ARHGAP20: variants seen among roughly 807,000 people sequenced by gnomAD.
ARHGAP20 encodes Rho GTPase activating protein 20, also known as rho GTPase-activating protein 20.
In ARHGAP20, 34 loss-of-function variants were observed where a neutral mutation model predicts 73.7. That is an observed-to-expected ratio of 0.46 (90% CI 0.35 to 0.61). The LOEUF is 0.61. ARHGAP20 is among the 20% of genes least tolerant of loss of function. The probability of loss-of-function intolerance (pLI) is 0.00; values close to 1 mark genes in which losing one functional copy is unlikely to be tolerated. For synonymous variants in ARHGAP20, 523 were observed against 518.2 expected, an observed-to-expected ratio of 1.01 and a Z score of -0.13; for missense variants, 1,314 against 1,420.9, an observed-to-expected ratio of 0.92 and a Z score of 1.21.
At chr11:110,663,857 C>G (rs892780876) in intron 2 of ARHGAP20, among the ~76,000 whole-genome samples, 4 of 152,086 alleles carry the variant, frequency 2.6e-5, no homozygotes, top group African/African-American at 4.8e-5. Flanking sequence ...TAAAAATACC[C>G]ATCAGCAAAC....
intron 2 of ARHGAP20, among the ~76,000 whole-genome samples, chr11:110,682,664 C>G (rs943152952): frequency 2.0e-5 from 3 of 152,068 alleles, no homozygotes; most frequent in African/African-American, 7.2e-5. Flanking sequence ...TTTTTATTAA[C>G]AAGCTTGACA....
chr11:110,620,456 T>C (rs1591321079), intron 4 of ARHGAP20, among the ~76,000 whole-genome samples: 1 of 152,172 alleles, frequency 6.6e-6, no homozygotes, highest in Admixed American at 6.5e-5. Context: ...TGGCTACATT[T>C]ACAAAAAATA....
chr11:110,587,832 T>C (rs977941574), intron 11 of ARHGAP20, among the ~76,000 whole-genome samples: 4 of 152,216 alleles, frequency 2.6e-5, no homozygotes, highest in African/African-American at 9.6e-5. Flanking sequence ...TTCTATTATA[T>C]CTTCTAGCAG....
chr11:110,648,315 T>G (rs565870760), intron 2 of ARHGAP20, among the ~76,000 whole-genome samples: 4 of 135,652 alleles, frequency 2.9e-5, no homozygotes, highest in African/African-American at 8.8e-5. Flanking sequence ...TATGTGTATA[T>G]GTCTATATGC....
chr11:110,691,945 T>A (rs1165718132), intron 1 of ARHGAP20, among the ~76,000 whole-genome samples: 1 of 152,174 alleles, frequency 6.6e-6, no homozygotes, highest in East Asian at 1.9e-4. Flanking sequence ...TAACCACAAA[T>A]CAATTTCAGG....
rs368597643 is a variant in ARHGAP20, at chr11:110,647,185, G to A, written c.189-16393C>T. Among the ~76,000 whole-genome samples, 11 of 151,966 alleles carry A rather than the reference G, an allele frequency of 7.2e-5. 1 individual carries two copies. Among genetic ancestry groups the A allele is most frequent in the African/African-American group, 2.7e-4 (11 of 41,476 alleles). On this transcript the variant is annotated intron_variant, in intron 2 of 14. Coordinates refer to ENST00000683387, the MANE Select transcript of ARHGAP20 (RefSeq NM_001384657.1). ...TGTGTGTGTGTGTGTGTGCATGCGC[G>A]CACATGCATGCAACTGGGTTAAGGA...
At chr11:110,640,558 C>A (rs1591336240) in intron 2 of ARHGAP20, among the ~76,000 whole-genome samples, 1 of 151,978 alleles carries the variant, frequency 6.6e-6, no homozygotes. Context: ...TATTGAACAT[C>A]TAGAATTAAA....
At chr11:110,598,988 C>T (rs916726706) in intron 9 of ARHGAP20, among the ~76,000 whole-genome samples, 2 of 151,658 alleles carry the variant, frequency 1.3e-5, no homozygotes, top group Admixed American at 1.3e-4. Context: ...CTCCCAGGAG[C>T]TGCACCTGTC....
chr11:110,623,259 T>C (rs922188945), intron 4 of ARHGAP20, among the ~76,000 whole-genome samples: 1 of 152,172 alleles, frequency 6.6e-6, no homozygotes, highest in Non-Finnish European at 1.5e-5. Context: ...AGGAGTTTTG[T>C]GGTGGCAAGA....
intron 14 of ARHGAP20, among the ~76,000 whole-genome samples, chr11:110,581,688 A>C (rs1947472230): frequency 6.6e-6 from 1 of 152,156 alleles, no homozygotes; most frequent in Admixed American, 6.5e-5. Context: ...ACAACCATAA[A>C]AGTTAGACAT....
intron 1 of ARHGAP20, among the ~76,000 whole-genome samples, chr11:110,692,250 C>A (rs1465828984): frequency 6.6e-6 from 1 of 152,114 alleles, no homozygotes; most frequent in Non-Finnish European, 1.5e-5. Context: ...CAAGGTACAG[C>A]AGCACTTCCT....
chr11:110,652,491 G>C (rs762381372), intron 2 of ARHGAP20, among the ~76,000 whole-genome samples: 1 of 152,024 alleles, frequency 6.6e-6, no homozygotes, highest in African/African-American at 2.4e-5. Context: ...AACCTCCTTC[G>C]TCTCAGCCCT....
At chr11:110,667,684 A>G (rs1404838778) in intron 2 of ARHGAP20, among the ~76,000 whole-genome samples, 2 of 152,180 alleles carry the variant, frequency 1.3e-5, no homozygotes, top group Non-Finnish European at 2.9e-5. Context: ...GCTTTCTGAA[A>G]AGGATTCACC....
At position 110,584,649 on chromosome 11, in the gene ARHGAP20, C is replaced by T. The variant is rs200766246; in HGVS notation, c.1416-912G>A. 5.9e-5 allele frequency among the ~76,000 whole-genome samples: 9 copies of T among 151,800 alleles called. No homozygotes were observed. The East Asian group carries it at 1.7e-3, about 29-fold the overall frequency. ...TTTTGGGTTTTCTGCTTCTATGGGG[C>T]CCTAAGATTTTTCACAATAAGAGCT... is the stretch of plus-strand genomic sequence containing the variant. On this transcript the variant is annotated intron_variant, in intron 12 of 14. Coordinates refer to ENST00000683387, the MANE Select transcript of ARHGAP20 (RefSeq NM_001384657.1).
chr11:110,682,787 C>G (rs552257323), intron 2 of ARHGAP20, among the ~76,000 whole-genome samples: 15 of 152,046 alleles, frequency 9.9e-5, no homozygotes, highest in Non-Finnish European at 2.2e-4. Context: ...AGCATTTTTA[C>G]TTATTTCCTC....
intron 9 of ARHGAP20, among the ~76,000 whole-genome samples, chr11:110,593,338 T>C (rs951381908): frequency 7.9e-5 from 12 of 152,212 alleles, no homozygotes; most frequent in Non-Finnish European, 1.3e-4. Flanking sequence ...TATGATTTAA[T>C]ACATAAAAAT....
In ARHGAP20 at chr11:110,690,582, G is replaced by T; in HGVS notation, c.153C>A (p.Ile51=). Residue 51 remains isoleucine, a synonymous_variant, in exon 2 of 15, where the codon ATC becomes ATA. Transcript: ENST00000683387. ...GCCGTTTTTGTAGGGCTTTATCCAG[G>T]ATAAGAGATGGAGCGCTCCTCCTCC... ...AERRRSAPSL[I]LDKALQKRPT... The T allele has an allele frequency of 2.5e-6, 4 of 1,614,016 alleles. No individual in the cohort carries two copies. Among genetic ancestry groups the T allele is most frequent in the Non-Finnish European group, 3.4e-6 (4 of 1,179,958 alleles).
chr11:110,711,935 G>C, intron 1 of ARHGAP20, 192 bp downstream of exon 1: 2 of 1,254,142 alleles, frequency 1.6e-6, no homozygotes, highest in Non-Finnish European at 2.0e-6. Flanking sequence ...GGCGCTCTGC[G>C]GGAGGCGGCG....
intron 2 of ARHGAP20, among the ~76,000 whole-genome samples, chr11:110,681,984 A>G (rs561098363): frequency 2.7e-4 from 41 of 152,186 alleles, no homozygotes; most frequent in Non-Finnish European, 5.3e-4. Flanking sequence ...CATTTCCCAG[A>G]GTCATTCTAG....
Sources: allele counts gnomAD v4.1 joint callset (sites outside exome capture counted in the v4.1 genomes callset), GRCh38; gene constraint gnomAD v4.1.1; transcripts MANE v1.5; gene names NCBI Gene and HGNC (gene_info 2026-07-23, HGNC 2026-07-21).